Variants in UROS observed in about 807,000 individuals in gnomAD.
UROS encodes the protein uroporphyrinogen-III synthase.
Under a neutral mutation model 33.0 loss-of-function variants are expected in UROS, and 18 were observed. The observed-to-expected ratio is 0.55, with a 90% CI of 0.38 to 0.81. The LOEUF (loss-of-function observed/expected upper bound fraction) is 0.81, where lower values mean the gene tolerates loss of function less well. Ranked by LOEUF, UROS falls within the 30% of genes least tolerant of loss-of-function variation. The probability of loss-of-function intolerance (pLI) is 0.00; values close to 1 mark genes in which losing one functional copy is unlikely to be tolerated. For missense variants in UROS, 293 were observed against 314.9 expected, an observed-to-expected ratio of 0.93 and a Z score of 0.53; for synonymous variants, 114 against 121.1, an observed-to-expected ratio of 0.94 and a Z score of 0.38.
chr10:125,789,369 C>G (rs1054051164), intron 9 of UROS: 119 of 1,198,276 alleles, frequency 9.9e-5, no homozygotes, highest in Non-Finnish European at 1.2e-4. Flanking sequence ...TGGGTCTGAT[C>G]AAGGGGAGGA....
chr10:125,789,080 A>T, intron 9 of UROS, 75 bp from the exon 10 acceptor site: 1 of 1,570,000 alleles, frequency 6.4e-7, no homozygotes, highest in Non-Finnish European at 8.7e-7. Context: ...GGATGTGTGC[A>T]GGGGCCGTCA....
intron 6 of UROS, among the ~76,000 whole-genome samples, chr10:125,800,080 A>C (rs1176190567): frequency 6.6e-6 from 1 of 152,154 alleles, no homozygotes; most frequent in African/African-American, 2.4e-5. Flanking sequence ...GAAAATCCTA[A>C]CACAGTATTA....
At chr10:125,808,535 C>T (rs1035255021) in intron 5 of UROS, among the ~76,000 whole-genome samples, 1 of 152,224 alleles carries the variant, frequency 6.6e-6, no homozygotes, top group African/African-American at 2.4e-5. Context: ...CCCACAGGAA[C>T]TGAACTGAGA....
At position 125,816,928 on chromosome 10, in the gene UROS, T is replaced by C. The variant is rs2133952286; in HGVS notation, c.-26-403A>G. ...AATATGCTAAGTAGCTCATAAGCAC[T>C]TTGGGAAATAATTATATTGACTCTT... is the stretch of plus-strand genomic sequence containing the variant. On this transcript the variant is annotated intron_variant, in intron 1 of 9. Coordinates refer to ENST00000368797, the MANE Select transcript of UROS (RefSeq NM_000375.3). Among the ~76,000 whole-genome samples the C allele has an allele frequency of 1.3e-5, 2 of 152,368 alleles. 1 individual carries two copies. The highest frequency in any genetic ancestry group is 3.9e-4 in the East Asian group (2 of 5,192).
chr10:125,808,447 C>T (rs1470699037), intron 5 of UROS, among the ~76,000 whole-genome samples: 2 of 152,168 alleles, frequency 1.3e-5, no homozygotes, highest in East Asian at 1.9e-4. Context: ...CAGTGGCAAC[C>T]GAGGCTGGAC....
chr10:125,815,043 T>C lies in UROS; in HGVS notation c.235A>G (p.Lys79Glu), dbSNP rs770161956. 1 of 1,614,208 alleles carries C rather than the reference T, an allele frequency of 6.2e-7. No homozygotes were observed. Among genetic ancestry groups the C allele is most frequent in the Admixed American group, 1.7e-5 (1 of 60,026 alleles). ...AAELCLEQNN[K>E]TEVWERSLKE... ...GCAGACCCACCCTCACCTTCAGTTT[T>C]ATTGTTTTGCTCCAAACATAACTCT... Residue 79 changes from lysine (K) to glutamate (E), a missense_variant, in exon 4 of 10, where the codon AAA becomes GAA. Physicochemically the swap from Lys to Glu is moderately conservative, Grantham distance 56 (BLOSUM62 1). Transcript: ENST00000368797.
chr10:125,799,164 A>C (rs1462330741), intron 6 of UROS, among the ~76,000 whole-genome samples: 2 of 152,226 alleles, frequency 1.3e-5, no homozygotes, highest in Non-Finnish European at 2.9e-5. Flanking sequence ...CAGGCCACTT[A>C]ATTTCAAGTG....
chr10:125,798,715 C>G (rs1220624975), intron 6 of UROS, among the ~76,000 whole-genome samples: 2 of 152,234 alleles, frequency 1.3e-5, no homozygotes, highest in Non-Finnish European at 2.9e-5. Flanking sequence ...AATGCACAGG[C>G]CTTAGAGAGA....
chr10:125,822,369 G>A (rs1354247280), intron 1 of UROS, among the ~76,000 whole-genome samples: 5 of 151,296 alleles, frequency 3.3e-5, no homozygotes, highest in Non-Finnish European at 7.4e-5. Flanking sequence ...AGGCTGGAGT[G>A]TGGAGTGCGG....
At position 125,805,087 on chromosome 10, in the gene UROS, C is replaced by T. The variant is rs116290415; in HGVS notation, c.394+2326G>A. On this transcript the variant is annotated intron_variant, in intron 6 of 9. Transcript: ENST00000368797. ...TGCATTAATACCTGAAAGCCATGTCCGAGCCGATGAACGCACATCCACTGA... is the reference window on the plus strand; with the variant it reads ...TGCATTAATACCTGAAAGCCATGTCTGAGCCGATGAACGCACATCCACTGA... 6.3e-3 allele frequency among the ~76,000 whole-genome samples: 956 copies of T among 152,292 alleles called. 7 individuals are homozygous for T. Among genetic ancestry groups the T allele is most frequent in the African/African-American group, 0.022 (900 of 41,556 alleles).
rs116179680 is a variant in UROS at position 125,791,226 on chromosome 10, A to G, written c.661-2221T>C. Among the ~76,000 whole-genome samples, 690 of 152,352 alleles carry G rather than the reference A, an allele frequency of 4.5e-3. 3 individuals are homozygous for G. Among genetic ancestry groups the G allele is most frequent in the African/African-American group, 0.015 (638 of 41,580 alleles). On this transcript the variant is annotated intron_variant, in intron 9 of 9. Transcript: ENST00000368797. ...TAAAGAAGATATAAAAATGACTAAC[A>G]AACACATAAAAAGATGCTCAACACT... is the stretch of plus-strand genomic sequence containing the variant.
At chr10:125,800,320 T>C (rs999709848) in intron 6 of UROS, among the ~76,000 whole-genome samples, 2 of 152,156 alleles carry the variant, frequency 1.3e-5, no homozygotes, top group African/African-American at 4.8e-5. Context: ...CTTTCCCAAT[T>C]GATTCTTTCC....
In UROS at chr10:125,788,935, T is replaced by C. The variant is rs1220751760; in HGVS notation, c.731A>G (p.Glu244Gly). The C allele has an allele frequency of 3.7e-6, 6 of 1,610,352 alleles. No homozygotes were observed. The highest frequency in any genetic ancestry group is 5.1e-6 in the Non-Finnish European group (6 of 1,179,458). The part of the protein sequence containing the change: ...AQGLPVSCTA[E>G]SPTPQALATG... ...GGCCAGGGCTTGTGGCGTGGGGCTCTCTGCAGTGCAGCTTACAGGAAGGCC... is the reference window on the plus strand; with the variant it reads ...GGCCAGGGCTTGTGGCGTGGGGCTCCCTGCAGTGCAGCTTACAGGAAGGCC... The change falls in exon 10 of 10, where the codon GAG becomes GGG. Residue 244 changes from glutamate to glycine, a missense_variant. By Grantham distance (98) the Glu-to-Gly change is moderately conservative. Transcript: ENST00000368797.
intron 5 of UROS, among the ~76,000 whole-genome samples, chr10:125,809,646 G>T (rs1037474148): frequency 1.3e-5 from 2 of 152,158 alleles, no homozygotes; most frequent in Admixed American, 6.5e-5. Context: ...CATTTCACTT[G>T]AAGTGGCAGT....
chr10:125,816,327 T>G, intron 2 of UROS, 67 bp from the exon 3 acceptor site: 3 of 1,600,464 alleles, frequency 1.9e-6, no homozygotes, highest in Non-Finnish European at 2.6e-6. Context: ...CATTAACAAT[T>G]TATTCTGCGT....
chr10:125,814,356 C>G (rs767002110), intron 4 of UROS, among the ~76,000 whole-genome samples: 1 of 152,186 alleles, frequency 6.6e-6, no homozygotes, highest in Non-Finnish European at 1.5e-5. Context: ...GAGTGTGAGG[C>G]CTGGCTCTGC....
At position 125,789,232 on chromosome 10, in the gene UROS, G is replaced by A. The variant is rs569337340; in HGVS notation, c.661-227C>T. On this transcript the variant is annotated intron_variant, in intron 9 of 9. Coordinates refer to ENST00000368797, the MANE Select transcript of UROS (RefSeq NM_000375.3). ...CAGTCTGCCACCCTGAGCGACTGTC[G>A]CCAGGCTCAGGTGAGGGGCAGGGAC... 111 of 1,432,620 alleles carry A rather than the reference G, an allele frequency of 7.7e-5. 2 individuals are homozygous for A. The South Asian group carries it at 1.1e-3, about 14-fold the overall frequency. The allele number at this position is 1,432,620 out of a possible 1,614,324, so 88.7% of individuals were successfully genotyped here.
intron 4 of UROS, among the ~76,000 whole-genome samples, chr10:125,814,129 G>A (rs968868997): frequency 6.6e-6 from 1 of 152,170 alleles, no homozygotes; most frequent in Admixed American, 6.5e-5. Flanking sequence ...ACAGAGTCTC[G>A]CACAGAGTGA....
chr10:125,810,652 C>A (rs1468549612), intron 5 of UROS, among the ~76,000 whole-genome samples: 1 of 152,194 alleles, frequency 6.6e-6, no homozygotes, highest in Non-Finnish European at 1.5e-5. Context: ...CTGGTCTCCT[C>A]CCAGCTGTTG....
Sources: allele counts gnomAD v4.1 joint callset (sites outside exome capture counted in the v4.1 genomes callset), GRCh38; gene constraint gnomAD v4.1.1; transcripts MANE v1.5; gene names NCBI Gene and HGNC (gene_info 2026-07-23, HGNC 2026-07-21).